TNIK: variants seen among roughly 807,000 people sequenced by gnomAD.
TNIK encodes TRAF2 and NCK-interacting protein kinase.
A neutral mutation model predicts 191.3 loss-of-function variants in TNIK; 49 were observed. The ratio of observed to expected loss-of-function variants is 0.26; its 90% confidence interval spans 0.20 to 0.32. TNIK has a LOEUF of 0.32. Among genes scored for constraint, TNIK ranks in the 10% least tolerant of loss-of-function variants. The pLI is 1.00. For synonymous variants in TNIK, 594 were observed against 600.9 expected, an observed-to-expected ratio of 0.99 and a Z score of 0.17; for missense variants, 1,155 against 1,702.3, an observed-to-expected ratio of 0.68 and a Z score of 5.66.
rs796515750 is a variant in TNIK at position 171,066,024 on chromosome 3, T to C, written c.3999+163A>G. On this transcript the variant is annotated intron_variant, in intron 32 of 32. Transcript: ENST00000436636. ...TAGTTTTTGACATGTGAATAATATA[T>C]TGAGTGCTCACATGGATCAAACCAA... Among the ~76,000 whole-genome samples, 96 of 152,308 alleles carry C rather than the reference T, an allele frequency of 6.3e-4. 1 individual carries two copies. The highest frequency in any genetic ancestry group is 2.2e-3 in the African/African-American group (90 of 41,572).
At chr3:171,170,924 C>A (rs1455812561) in intron 9 of TNIK, among the ~76,000 whole-genome samples, 1 of 152,092 alleles carries the variant, frequency 6.6e-6, no homozygotes, top group South Asian at 2.1e-4. Context: ...TGGTGGCATG[C>A]ACCTGTAGTT....
chr3:171,331,275 C>G (rs1397059893), intron 2 of TNIK, among the ~76,000 whole-genome samples: 1 of 152,146 alleles, frequency 6.6e-6, no homozygotes, highest in Non-Finnish European at 1.5e-5. Context: ...ACTCCCTGGC[C>G]CTTTCCTAAA....
intron 12 of TNIK, among the ~76,000 whole-genome samples, chr3:171,150,252 G>C (rs959017215): frequency 5.3e-5 from 8 of 152,198 alleles, no homozygotes; most frequent in African/African-American, 1.2e-4. Context: ...TGTTTACTCA[G>C]TGCCAGGTAC....
intron 2 of TNIK, among the ~76,000 whole-genome samples, chr3:171,318,990 C>A (rs1577462321): frequency 6.6e-6 from 1 of 151,996 alleles, no homozygotes; most frequent in Non-Finnish European, 1.5e-5. Context: ...AATAGCAAGA[C>A]CCTGTCTACA....
At chr3:171,378,359 T>C (rs1717552978) in intron 1 of TNIK, among the ~76,000 whole-genome samples, 1 of 152,216 alleles carries the variant, frequency 6.6e-6, no homozygotes, top group Admixed American at 6.5e-5. Flanking sequence ...GGGCATGTTA[T>C]TTAATCTTTC....
rs1457642085 is a variant in TNIK, at chr3:171,140,444, C to G, written c.1287G>C (p.Glu429Asp). Residue 429 changes from glutamate to aspartate, a missense_variant, in exon 13 of 33, where the codon GAG becomes GAC. Coordinates refer to ENST00000436636, the MANE Select transcript of TNIK (RefSeq NM_015028.4). ...TCCTCTCCTCCTCCCGGCGCATCTG[C>G]TCCTCATAGTGCCGGCGCTGCTCCC... ...QEREQRRHYE[E>D]QMRREEERRR... The G allele has an allele frequency of 6.2e-7, 1 of 1,611,368 alleles. No homozygotes were observed. The highest frequency in any genetic ancestry group is 8.5e-7 in the Non-Finnish European group (1 of 1,178,850).
At chr3:171,105,468 G>C (rs1724654461) in intron 21 of TNIK, among the ~76,000 whole-genome samples, 1 of 152,188 alleles carries the variant, frequency 6.6e-6, no homozygotes, top group Non-Finnish European at 1.5e-5. Context: ...CCGTGGTTGA[G>C]AGCCACTGGG....
intron 3 of TNIK, among the ~76,000 whole-genome samples, chr3:171,211,614 T>C (rs1376084366): frequency 6.6e-6 from 1 of 152,200 alleles, no homozygotes; most frequent in Admixed American, 6.5e-5. Flanking sequence ...ATAAGAAAGA[T>C]TGAGGAAAAT....
At chr3:171,437,476 AG>A (rs772037656) in intron 1 of TNIK, among the ~76,000 whole-genome samples, 2 of 152,240 alleles carry the variant, frequency 1.3e-5, no homozygotes, top group Non-Finnish European at 2.9e-5. Context: ...AAGCATAGGC[AG>A]GGGAGGCTTT....
chr3:171,091,394 G>A (rs947451219), intron 23 of TNIK, among the ~76,000 whole-genome samples: 4 of 152,142 alleles, frequency 2.6e-5, no homozygotes, highest in Admixed American at 6.5e-5. Flanking sequence ...GCTTGCATAT[G>A]GCAGATCATG....
chr3:171,343,989 A>T (rs1384673118), intron 2 of TNIK, among the ~76,000 whole-genome samples: 1 of 152,204 alleles, frequency 6.6e-6, no homozygotes, highest in African/African-American at 2.4e-5. Flanking sequence ...CAACATTTCA[A>T]ACTGAATGTG....
intron 1 of TNIK, among the ~76,000 whole-genome samples, chr3:171,453,337 CAG>C (rs1459099907): frequency 6.6e-6 from 1 of 152,096 alleles, no homozygotes; most frequent in Admixed American, 6.5e-5. Context: ...TGAGAGAAAT[CAG>C]AGACTTCTGT....
chr3:171,204,055 T>C (rs1318759621), intron 4 of TNIK, among the ~76,000 whole-genome samples: 1 of 152,234 alleles, frequency 6.6e-6, no homozygotes, highest in Admixed American at 6.5e-5. Flanking sequence ...GTTAATTTAC[T>C]AAACAGTATT....
chr3:171,377,746 T>C (rs1717453745), intron 1 of TNIK, among the ~76,000 whole-genome samples: 1 of 152,138 alleles, frequency 6.6e-6, no homozygotes, highest in South Asian at 2.1e-4. Context: ...TGGAAGATGG[T>C]TCTGAGAATC....
At position 171,087,360 on chromosome 3, in the gene TNIK, C is replaced by G. The variant is rs750570362; in HGVS notation, c.2868G>C (p.Glu956Asp). The change falls in exon 24 of 33, where the codon GAG becomes GAC. Residue 956 changes from glutamate (E) to aspartate (D), a missense_variant. Physicochemically the swap from Glu to Asp is conservative, Grantham distance 45 (BLOSUM62 2). Transcript: ENST00000436636. ...CACCTACTTCAGTCCCAGAGTCCAT[C>G]TCCTGGGAATGGGTTGAGACGCGCC... ...GLGRVSTHSQEMDSGTEYGMG... is the reference protein window; with the variant it reads ...GLGRVSTHSQDMDSGTEYGMG... 1 of 1,613,954 alleles carries G rather than the reference C, an allele frequency of 6.2e-7. No individual in the cohort carries two copies. The highest frequency in any genetic ancestry group is 8.5e-7 in the Non-Finnish European group (1 of 1,179,882).
intron 2 of TNIK, among the ~76,000 whole-genome samples, chr3:171,275,033 T>C (rs1216251321): frequency 1.3e-5 from 2 of 152,136 alleles, no homozygotes; most frequent in Non-Finnish European, 2.9e-5. Flanking sequence ...CCCTACCCTA[T>C]GCCCCTCTCC....
intron 2 of TNIK, among the ~76,000 whole-genome samples, chr3:171,294,265 C>CA (rs960450917): frequency 6.6e-5 from 10 of 151,206 alleles, no homozygotes; most frequent in African/African-American, 1.5e-4. Flanking sequence ...TAAAACAAAA[C>CA]AAAAAAAACT....
intron 2 of TNIK, among the ~76,000 whole-genome samples, chr3:171,336,267 C>T (rs6779981): frequency 0.6 from 91,168 of 151,998 alleles, 27,407 homozygotes; most frequent in East Asian, 0.7. Context: ...TAAAGTTAAC[C>T]ATTTTCACAC....
At chr3:171,153,467 C>T (rs35865001) in intron 12 of TNIK, among the ~76,000 whole-genome samples, 14,580 of 152,204 alleles carry the variant, frequency 0.096, 783 homozygotes, top group Middle Eastern at 0.14. Flanking sequence ...GTCTAATCAA[C>T]TTGCACATCC....
Sources: gnomAD v4.1 joint callset for allele counts (sites outside exome capture counted in the v4.1 genomes callset) on GRCh38, gnomAD v4.1.1 for gene constraint, MANE v1.5 for transcripts, NCBI Gene and HGNC (gene_info 2026-07-23, HGNC 2026-07-21) for gene names.